Variants in HSPG2 observed in about 807,000 individuals in gnomAD.
HSPG2 encodes the protein basement membrane-specific heparan sulfate proteoglycan core protein.
HSPG2 carries 278 observed loss-of-function variants against 526.6 expected under a neutral mutation model. The observed-to-expected ratio is 0.53, with a 90% CI of 0.48 to 0.58. HSPG2 has a LOEUF of 0.58. HSPG2 is among the 20% of genes least tolerant of loss of function. The pLI is 0.00. For missense variants in HSPG2, 5,354 were observed against 6,099.5 expected, an observed-to-expected ratio of 0.88 and a Z score of 4.07; for synonymous variants, 2,465 against 2,555.4, an observed-to-expected ratio of 0.96 and a Z score of 1.07.
Position 21,839,763 on chromosome 1 carries a change from A to G in HSPG2, c.9709+59T>C. The stretch of plus-strand genomic sequence containing the variant: ...TCATCTCTAGATCACATGTGTCTAC[A>G]TTTCAGACCCCAGGGCATCCCTGCC... On this transcript the variant is annotated intron_variant, in intron 72 of 96. Coordinates refer to ENST00000374695, the MANE Select transcript of HSPG2 (RefSeq NM_005529.7). This position sits in a 1 kb window ranked among gnomAD's most constrained non-coding sequence, Gnocchi z 4.5. The G allele has an allele frequency of 6.3e-7, 1 of 1,576,434 alleles. No homozygotes were observed. Among genetic ancestry groups the G allele is most frequent in the African/African-American group, 1.3e-5 (1 of 74,268 alleles).
At chr1:21,883,602 G>C (rs1259666453) in intron 13 of HSPG2, among the ~76,000 whole-genome samples, 1 of 152,160 alleles carries the variant, frequency 6.6e-6, no homozygotes, top group Non-Finnish European at 1.5e-5. Flanking sequence ...TTGGATTACA[G>C]GCATAAGCCA....
At position 21,831,804 on chromosome 1, in the gene HSPG2, GT is replaced by G; in HGVS notation, c.11208-9del. ...CCTGAGCCTGCATCGAACCTGCTCC[GT>G]GGGGCAGGCCGGGGCAGGAGAGAGT... On this transcript the variant is annotated splice_polypyrimidine_tract_variant and intron_variant, in intron 81 of 96. Coordinates refer to ENST00000374695, the MANE Select transcript of HSPG2 (RefSeq NM_005529.7). 1 of 1,594,592 alleles carries G rather than the reference GT, an allele frequency of 6.3e-7. No homozygotes were observed. Among genetic ancestry groups the G allele is most frequent in the Non-Finnish European group, 8.6e-7 (1 of 1,167,314 alleles).
At chr1:21,846,008 G>T in intron 64 of HSPG2, 100 bp downstream of exon 64, 1 of 1,416,510 alleles carries the variant, frequency 7.1e-7, no homozygotes, top group Non-Finnish European at 9.9e-7. Flanking sequence ...GGCAGTTCTC[G>T]CCGAGTGCCA....
rs371072729 is a variant in HSPG2 at position 21,841,210 on chromosome 1, A to T, written c.9404T>A (p.Val3135Asp). The T allele has an allele frequency of 5.7e-5, 92 of 1,613,758 alleles. No homozygotes were observed. Among genetic ancestry groups the T allele is most frequent in the Non-Finnish European group, 7.7e-5 (91 of 1,180,056 alleles). ...KVGKAVTLEC[V>D]SAGEPRSSAR... ...AGAGGAGCGGGGCTCCCCGGCACTG[A>T]CACACTCCAGGGTGACAGCCTTTCC... is the stretch of plus-strand genomic sequence containing the variant. Residue 3135 changes from valine (V) to aspartate (D), a missense_variant, in exon 71 of 97, where the codon GTC becomes GAC. Val to Asp is a radical substitution (Grantham distance 152). Coordinates refer to ENST00000374695, the MANE Select transcript of HSPG2 (RefSeq NM_005529.7).
At chr1:21,891,148 G>C (rs1180048036) in intron 3 of HSPG2, among the ~76,000 whole-genome samples, 1 of 152,224 alleles carries the variant, frequency 6.6e-6, no homozygotes, top group African/African-American at 2.4e-5. Context: ...GGCTGGGGTA[G>C]AGACCGCTCC....
In HSPG2 at chr1:21,828,216, G is replaced by A; in HGVS notation, c.12409+39C>T. ...GGGCTGGAGGTGTCGCTGACCACCTGTGCCCCTCCCCTCCGGTGCCCTGGG... is the reference window on the plus strand; with the variant it reads ...GGGCTGGAGGTGTCGCTGACCACCTATGCCCCTCCCCTCCGGTGCCCTGGG... On this transcript the variant is annotated intron_variant, in intron 89 of 96. Coordinates refer to ENST00000374695, the MANE Select transcript of HSPG2 (RefSeq NM_005529.7). This position sits in a 1 kb window ranked among gnomAD's most constrained non-coding sequence, Gnocchi z 6.0. 1.2e-6 allele frequency: 2 copies of A among 1,613,078 alleles called. No homozygotes were observed. Among genetic ancestry groups the A allele is most frequent in the Non-Finnish European group, 1.7e-6 (2 of 1,179,902 alleles).
chr1:21,902,272 G>A (rs1004959852), intron 1 of HSPG2, among the ~76,000 whole-genome samples: 12 of 152,200 alleles, frequency 7.9e-5, no homozygotes, highest in South Asian at 4.1e-4. Context: ...CGTGCCACTC[G>A]GGAGGCCTGC....
intron 10 of HSPG2, 43 bp from the exon 11 acceptor site, chr1:21,885,200 A>G: frequency 6.2e-7 from 1 of 1,600,622 alleles, no homozygotes; most frequent in Non-Finnish European, 8.5e-7. Context: ...GGGCAAAGGA[A>G]GGAGGAGCGG....
At position 21,824,089 on chromosome 1, in the gene HSPG2, C is replaced by A. The variant is rs751257516; in HGVS notation, c.12899+32G>T. ...TCCTGCCCCACTCCAGAACGCTGGG[C>A]CCCATCCCGAGTGCCCGGCAGGGTC... On this transcript the variant is annotated intron_variant, in intron 95 of 96. Coordinates refer to ENST00000374695, the MANE Select transcript of HSPG2 (RefSeq NM_005529.7). This position sits in a 1 kb window ranked among gnomAD's most constrained non-coding sequence, Gnocchi z 5.9. 154 of 1,589,592 alleles carry A rather than the reference C, an allele frequency of 9.7e-5. No individual in the cohort carries two copies. Among genetic ancestry groups the A allele is most frequent in the Non-Finnish European group, 1.1e-4 (125 of 1,162,576 alleles).
In HSPG2 at chr1:21,904,408, C is replaced by T. The variant is rs80146347; in HGVS notation, c.64-8098G>A. 2.2e-3 allele frequency among the ~76,000 whole-genome samples: 335 copies of T among 152,274 alleles called. 1 individual carries two copies. The highest frequency in any genetic ancestry group is 7.8e-3 in the African/African-American group (325 of 41,560). Reference sequence around the variant, plus strand: ...GGAGGAAGCCTGGTGCAGCGGGACACGCGTGTGAGTGGCAGAGGAGTCAAA... The same window carrying T: ...GGAGGAAGCCTGGTGCAGCGGGACATGCGTGTGAGTGGCAGAGGAGTCAAA... On this transcript the variant is annotated intron_variant, in intron 1 of 96. Coordinates refer to ENST00000374695, the MANE Select transcript of HSPG2 (RefSeq NM_005529.7). The surrounding 1 kb of genome is among the most constrained non-coding windows in gnomAD (Gnocchi z 4.4).
intron 1 of HSPG2, among the ~76,000 whole-genome samples, chr1:21,909,477 T>C (rs781569784): frequency 2.3e-4 from 35 of 152,132 alleles, no homozygotes; most frequent in Admixed American, 5.9e-4. Context: ...TGTCTCACAA[T>C]GTAAAAACAA....
intron 1 of HSPG2, chr1:21,908,481 A>C: frequency 1.2e-6 from 1 of 863,748 alleles, no homozygotes; most frequent in Non-Finnish European, 2.0e-6. Context: ...GGGTTCAACT[A>C]AAGCGCCAGC....
At chr1:21,877,671 C>T (rs2088507) in intron 21 of HSPG2, 150,679 of 155,952 alleles carry the variant, frequency 0.97, 72,995 homozygotes, top group Middle Eastern at 1. Context: ...CTAATTTTTG[C>T]ATTTTTAGTA....
rs756689841 is a variant in HSPG2 at position 21,855,576 on chromosome 1, C to T, written c.5801G>A (p.Arg1934Gln). The change falls in exon 46 of 97, where the codon CGA (arginine) becomes CAA (glutamine). Residue 1934 changes from arginine (R) to glutamine (Q), a missense_variant. Physicochemically the swap from Arg to Gln is conservative, Grantham distance 43. Transcript: ENST00000374695. ...EPTDQAQYLCRAHSSAGQQVA... is the reference protein window; with the variant it reads ...EPTDQAQYLCQAHSSAGQQVA... ...CTGCTGCCCAGCGCTGCTGTGGGCT[C>T]GGCACAAGTACTGGGCCTGATCCGT... 1.8e-5 allele frequency: 28 copies of T among 1,596,150 alleles called. No homozygotes were observed. Among genetic ancestry groups the T allele is most frequent in the East Asian group, 1.6e-4 (7 of 44,272 alleles).
chr1:21,833,976 G>A, intron 77 of HSPG2, 51 bp from the exon 78 acceptor site: 1 of 1,233,516 alleles, frequency 8.1e-7, no homozygotes, highest in Non-Finnish European at 1.2e-6. Flanking sequence ...TCACAGATAT[G>A]TGCCCAGCCT....
At chr1:21,903,426 C>A (rs562778142) in intron 1 of HSPG2, among the ~76,000 whole-genome samples, 47 of 152,220 alleles carry the variant, frequency 3.1e-4, no homozygotes, top group African/African-American at 1.1e-3. Context: ...CATGGTGAAA[C>A]CCCATCTCTA....
At chr1:21,830,712 A>AAAAG in intron 85 of HSPG2, 1 of 368,000 alleles carries the variant, frequency 2.7e-6, no homozygotes, top group Non-Finnish European at 4.9e-6. Context: ...AAAAAAAAAA[A>AAAAG]GATGGGCTGG....
rs771125426 is a variant in HSPG2, at chr1:21,828,713, G to C, written c.12237+122C>G. On this transcript the variant is annotated intron_variant, in intron 88 of 96. Transcript: ENST00000374695. This position sits in a 1 kb window ranked among gnomAD's most constrained non-coding sequence, Gnocchi z 6.0. ...CTGAGGCTCAGAGGTACAGTGTCCT[G>C]GCCCAGGGCCCGTGGGTGGCTGCAG... 1.6e-4 allele frequency: 218 copies of C among 1,392,808 alleles called. 2 individuals are homozygous for C. The highest frequency in any genetic ancestry group is 1.2e-3 in the South Asian group (97 of 80,310). 86.3% of individuals were successfully genotyped at this position (1,392,808 alleles called of 1,614,324 possible).
intron 47 of HSPG2, 152 bp from the exon 48 acceptor site, chr1:21,855,135 G>T: frequency 7.4e-7 from 1 of 1,353,202 alleles, no homozygotes; most frequent in African/African-American, 1.4e-5. Context: ...GCAGCCAAGA[G>T]GACGGCAGGG....
Sources: allele counts gnomAD v4.1 joint callset (sites outside exome capture counted in the v4.1 genomes callset), GRCh38; gene constraint gnomAD v4.1.1; non-coding constraint Gnocchi (gnomAD v3.1); transcripts MANE v1.5; gene names NCBI Gene and HGNC (gene_info 2026-07-23, HGNC 2026-07-21).